The following EHHADH variants were observed in gnomAD, a reference collection of about 807,000 sequenced individuals.
EHHADH encodes peroxisomal bifunctional enzyme.
In EHHADH, 48 loss-of-function variants were observed where a neutral mutation model predicts 64.4. That is an observed-to-expected ratio of 0.75 (90% CI 0.59 to 0.95). EHHADH has a LOEUF of 0.95. Ranked by LOEUF, EHHADH falls within the 40% of genes least tolerant of loss-of-function variation. EHHADH has a pLI of 0.00. For missense variants in EHHADH, 854 were observed against 876.6 expected (o/e 0.97, Z 0.33); for synonymous variants, 308 against 326.7 (o/e 0.94, Z 0.62).
intron 6 of EHHADH, among the ~76,000 whole-genome samples, chr3:185,199,958 G>A (rs1219494055): frequency 6.6e-6 from 1 of 152,170 alleles, no homozygotes; most frequent in Non-Finnish European, 1.5e-5. Flanking sequence ...TTGCAACAGA[G>A]ACTGTATGGC....
In EHHADH at chr3:185,193,080, T is replaced by C. The variant is rs773648025; in HGVS notation, c.1318A>G (p.Met440Val). ...CTGGGAATAACCTCTAACAACTTCATGACATGAGCTGGCGAAAAGAAGTGG... is the reference window on the plus strand; with the variant it reads ...CTGGGAATAACCTCTAACAACTTCACGACATGAGCTGGCGAAAAGAAGTGG... ...GTHFFSPAHVMKLLEVIPSQY... is the reference protein window; with the variant it reads ...GTHFFSPAHVVKLLEVIPSQY... The change falls in exon 7 of 7, where the codon ATG becomes GTG. Residue 440 changes from methionine to valine, a missense_variant. Physicochemically the swap from Met to Val is conservative, Grantham distance 21. Coordinates refer to ENST00000231887, the MANE Select transcript of EHHADH (RefSeq NM_001966.4). 4 of 1,613,986 alleles carry C rather than the reference T, an allele frequency of 2.5e-6. No individual in the cohort carries two copies. Among genetic ancestry groups the C allele is most frequent in the Admixed American group, 3.3e-5 (2 of 60,008 alleles).
intron 4 of EHHADH, among the ~76,000 whole-genome samples, chr3:185,225,268 C>T (rs1285115726): frequency 1.3e-5 from 2 of 152,244 alleles, no homozygotes; most frequent in African/African-American, 4.8e-5. Context: ...TCCATAAAAC[C>T]TGCTCTATCA....
chr3:185,211,170 G>A (rs1026991922), intron 5 of EHHADH, among the ~76,000 whole-genome samples: 2 of 152,188 alleles, frequency 1.3e-5, no homozygotes, highest in Non-Finnish European at 2.9e-5. Flanking sequence ...TATAAGTACA[G>A]TTGTTTTCAA....
rs565626853 is a variant in EHHADH at position 185,228,108 on chromosome 3, G to T, written c.463+1324C>A. 4.2e-4 allele frequency among the ~76,000 whole-genome samples: 62 copies of T among 149,068 alleles called. 1 individual carries two copies. The highest frequency in any genetic ancestry group is 1.5e-3 in the Admixed American group (22 of 14,922). ...GACCTCAACTGAAAGTCTCTTTAAT[G>T]TCTTACAAACAAATATATGGTAAAC... On this transcript the variant is annotated intron_variant, in intron 4 of 6. Coordinates refer to ENST00000231887, the MANE Select transcript of EHHADH (RefSeq NM_001966.4).
intron 2 of EHHADH, 114 bp from the exon 3 acceptor site, chr3:185,235,576 AT>A (rs1185220750): frequency 1.0e-4 from 96 of 954,228 alleles, no homozygotes; most frequent in Middle Eastern, 3.5e-4. Flanking sequence ...TTATTTCTTA[AT>A]TTTTTTTAGA....
intron 4 of EHHADH, among the ~76,000 whole-genome samples, chr3:185,228,900 T>G (rs1299495565): frequency 1.3e-5 from 2 of 151,554 alleles, no homozygotes; most frequent in Admixed American, 1.3e-4. Flanking sequence ...GCTTCCTGGG[T>G]TCAAGCGATT....
intron 2 of EHHADH, among the ~76,000 whole-genome samples, chr3:185,246,765 C>T (rs1451411374): frequency 6.6e-6 from 1 of 151,928 alleles, no homozygotes; most frequent in Non-Finnish European, 1.5e-5. Context: ...TTATTATTTC[C>T]TTTCTTCTAC....
rs780747092 is a variant in EHHADH, at chr3:185,253,963, C to G, written c.60G>C (p.Pro20=). The G allele has an allele frequency of 5.0e-6, 8 of 1,613,842 alleles. No individual in the cohort carries two copies. In the East Asian group the frequency reaches 1.3e-4, roughly 27 times the overall value. The change falls in exon 1 of 7, where the codon CCG becomes CCC. Residue 20 remains proline, a synonymous_variant. Transcript: ENST00000231887. ...GAGCCCGTTACCTGATCGCGTTGAC[C>G]GGCGGGTTTCGGAGGCGGATTAGCG... ...ALALIRLRNP[P]VNAISTTLLR... is the part of the protein sequence containing the mutation.
chr3:185,225,599 C>T (rs1426072342), intron 4 of EHHADH, among the ~76,000 whole-genome samples: 1 of 152,064 alleles, frequency 6.6e-6, no homozygotes, highest in Non-Finnish European at 1.5e-5. Context: ...GCATGTTACT[C>T]CTCTGCTTGA....
intron 5 of EHHADH, among the ~76,000 whole-genome samples, chr3:185,205,765 T>C (rs1718371242): frequency 6.6e-6 from 1 of 152,160 alleles, no homozygotes; most frequent in Admixed American, 6.5e-5. Flanking sequence ...AAGGTCACCT[T>C]TTCCAGCTAA....
chr3:185,203,866 A>G (rs1250321400), intron 6 of EHHADH, among the ~76,000 whole-genome samples: 5 of 152,108 alleles, frequency 3.3e-5, no homozygotes, highest in Non-Finnish European at 7.4e-5. Context: ...TAGGCCAGGA[A>G]TGGTGGCTCA....
rs1348325875 is a variant in EHHADH at position 185,204,435 on chromosome 3, G to C, written c.891C>G (p.Val297=). 1 of 1,607,744 alleles carries C rather than the reference G, an allele frequency of 6.2e-7. No individual in the cohort carries two copies. Among genetic ancestry groups the C allele is most frequent in the Non-Finnish European group, 8.5e-7 (1 of 1,176,904 alleles). Residue 297 remains valine (V), a synonymous_variant, in exon 6 of 7, where the codon GTC becomes GTG. Transcript: ENST00000231887. ...TCTTACCAACAACACCAACTGAGGA[G>C]ACAGGCCGCGCTGATGCTGTTTTCC... ...ASWKTASARP[V]SSVGVVGLGT...
chr3:185,235,493 G>A (rs1199100194), intron 2 of EHHADH, 31 bp from the exon 3 acceptor site: 1 of 1,566,792 alleles, frequency 6.4e-7, no homozygotes, highest in South Asian at 1.2e-5. Context: ...AGAAAACAGA[G>A]TTGAGAAATA....
chr3:185,233,654 T>C (rs1719200410), intron 3 of EHHADH, among the ~76,000 whole-genome samples: 2 of 152,186 alleles, frequency 1.3e-5, no homozygotes, highest in African/African-American at 2.4e-5. Flanking sequence ...TTTTTTGTTG[T>C]TGTTTGTTTT....
Position 185,193,266 on chromosome 3 carries a change from C to G in EHHADH, c.1132G>C (p.Val378Leu). Residue 378 changes from valine to leucine, a missense_variant, in exon 7 of 7, where the codon GTC becomes CTC. Physicochemically the swap from Val to Leu is conservative, Grantham distance 32. Coordinates refer to ENST00000231887, the MANE Select transcript of EHHADH (RefSeq NM_001966.4). The part of the protein sequence containing the change: ...SVKELGGVDL[V>L]IEAVFEEMSL... ...ATTTCCTCAAATACTGCTTCAATGACTAAATCTACACCACCAAGCTCCTTC... is the reference window on the plus strand; with the variant it reads ...ATTTCCTCAAATACTGCTTCAATGAGTAAATCTACACCACCAAGCTCCTTC... 1 of 1,602,604 alleles carries G rather than the reference C, an allele frequency of 6.2e-7. No individual in the cohort carries two copies. Among genetic ancestry groups the G allele is most frequent in the Non-Finnish European group, 8.5e-7 (1 of 1,175,072 alleles).
At chr3:185,198,185 G>T (rs114806645) in intron 6 of EHHADH, among the ~76,000 whole-genome samples, 3,905 of 151,852 alleles carry the variant, frequency 0.026, 150 homozygotes, top group African/African-American at 0.09. Flanking sequence ...CTGTCATGCT[G>T]TTGTCCATAG....
chr3:185,233,786 C>T (rs1314800455), intron 3 of EHHADH, among the ~76,000 whole-genome samples: 2 of 152,144 alleles, frequency 1.3e-5, no homozygotes, highest in Admixed American at 1.3e-4. Context: ...GCTGGGATTA[C>T]AGGCGCCTGC....
intron 6 of EHHADH, among the ~76,000 whole-genome samples, chr3:185,199,386 G>C (rs1290715357): frequency 6.6e-6 from 1 of 152,158 alleles, no homozygotes; most frequent in East Asian, 1.9e-4. Context: ...AAATACGATG[G>C]TGGTGATTGG....
chr3:185,239,608 A>T (rs1002987643), intron 2 of EHHADH, among the ~76,000 whole-genome samples: 30 of 152,024 alleles, frequency 2.0e-4, no homozygotes, highest in Admixed American at 3.9e-4. Flanking sequence ...ATAGAATGCT[A>T]CTGATTTTTG....
Sources: allele counts gnomAD v4.1 joint callset (sites outside exome capture counted in the v4.1 genomes callset), GRCh38; gene constraint gnomAD v4.1.1; transcripts MANE v1.5; gene names NCBI Gene and HGNC (gene_info 2026-07-23, HGNC 2026-07-21).